Variants in SPTBN1 observed in about 807,000 individuals in gnomAD.
SPTBN1 encodes spectrin beta chain, non-erythrocytic 1.
A neutral mutation model predicts 266.4 loss-of-function variants in SPTBN1; 32 were observed. That is an observed-to-expected ratio of 0.12 (90% CI 0.09 to 0.16). The LOEUF is 0.16. SPTBN1 is among the 10% of genes least tolerant of loss of function. The pLI is 1.00. For missense variants in SPTBN1, 2,296 were observed against 3,067.1 expected (o/e 0.75, Z 5.94); for synonymous variants, 1,336 against 1,162.2 (o/e 1.15, Z -3.04).
chr2:54,456,845 C>T (rs1693060275), intron 1 of SPTBN1, among the ~76,000 whole-genome samples: 1 of 151,488 alleles, frequency 6.6e-6, no homozygotes, highest in South Asian at 2.1e-4. Flanking sequence ...CGCGGCGATT[C>T]CTCCTCCCTG....
intron 1 of SPTBN1, among the ~76,000 whole-genome samples, chr2:54,522,539 G>A (rs1670503244): frequency 6.6e-6 from 1 of 151,692 alleles, no homozygotes; most frequent in Non-Finnish European, 1.5e-5. Context: ...GGTGAGGCAG[G>A]AGAATTGCTT....
At chr2:54,615,513 G>A (rs147483991) in intron 4 of SPTBN1, among the ~76,000 whole-genome samples, 1,541 of 152,222 alleles carry the variant, frequency 0.01, 12 homozygotes, top group Admixed American at 0.019. Context: ...CCCTTATTAC[G>A]AGCTCTGCAC....
chr2:54,666,586 C>T (rs1040658431), intron 34 of SPTBN1, among the ~76,000 whole-genome samples: 2 of 152,186 alleles, frequency 1.3e-5, no homozygotes, highest in African/African-American at 4.8e-5. Context: ...AGCAGATGCT[C>T]CAGCTGTCTC....
chr2:54,620,058 G>A (rs896274251), intron 7 of SPTBN1, among the ~76,000 whole-genome samples: 1 of 152,188 alleles, frequency 6.6e-6, no homozygotes, highest in African/African-American at 2.4e-5. Flanking sequence ...CAATATTGCC[G>A]AACTTCAAAG....
In SPTBN1 at chr2:54,624,811, A is replaced by T; in HGVS notation, c.1190A>T (p.Glu397Val). Residue 397 changes from glutamate to valine, a missense_variant, in exon 11 of 36, where the codon GAA becomes GTA. Glu to Val is a moderately radical substitution (Grantham distance 121). Coordinates refer to ENST00000356805, the MANE Select transcript of SPTBN1 (RefSeq NM_003128.3). ...KLISDINKAW[E>V]RLEKAEHERE... ...GTATTTTCATTTTTGTAGGCCTGGGAAAGACTGGAAAAAGCGGAACACGAA... is the reference window on the plus strand; with the variant it reads ...GTATTTTCATTTTTGTAGGCCTGGGTAAGACTGGAAAAAGCGGAACACGAA... The T allele has an allele frequency of 6.2e-7, 1 of 1,614,070 alleles. No individual in the cohort carries two copies. The highest frequency in any genetic ancestry group is 8.5e-7 in the Non-Finnish European group (1 of 1,180,010).
At chr2:54,614,831 G>A (rs1677488502) in intron 4 of SPTBN1, among the ~76,000 whole-genome samples, 1 of 152,040 alleles carries the variant, frequency 6.6e-6, no homozygotes, top group Admixed American at 6.6e-5. Flanking sequence ...GTGAGAAACT[G>A]GAGTGGAAGT....
intron 1 of SPTBN1, among the ~76,000 whole-genome samples, chr2:54,522,445 A>G (rs1312168998): frequency 6.6e-6 from 1 of 151,898 alleles, no homozygotes; most frequent in Non-Finnish European, 1.5e-5. Flanking sequence ...AGCCTGGCCA[A>G]CATGGTGAAA....
At chr2:54,571,472 C>T (rs1278028255) in intron 2 of SPTBN1, among the ~76,000 whole-genome samples, 3 of 152,010 alleles carry the variant, frequency 2.0e-5, no homozygotes, top group Non-Finnish European at 2.9e-5. Context: ...GAATCTTCCT[C>T]AGTCCCAGGC....
Position 54,558,118 on chromosome 2 carries a change from G to C in SPTBN1, c.148+31552G>C. ...GTTACATGAGGCTCAACAAAAGATTGTAATTCCAGCAGCTCTGTTTGGGAA... is the reference window on the plus strand; with the variant it reads ...GTTACATGAGGCTCAACAAAAGATTCTAATTCCAGCAGCTCTGTTTGGGAA... On this transcript the variant is annotated intron_variant, in intron 2 of 35. Transcript: ENST00000356805. The surrounding 1 kb of genome is among the most constrained non-coding windows in gnomAD (Gnocchi z 4.6). 1.0e-6 allele frequency: 1 copy of C among 985,388 alleles called. No homozygotes were observed. Among genetic ancestry groups the C allele is most frequent in the Non-Finnish European group, 1.2e-6 (1 of 829,914 alleles). The allele number at this position is 985,388 out of a possible 1,614,324, so 61.0% of individuals were successfully genotyped here.
At chr2:54,581,052 C>G (rs1189508485) in intron 2 of SPTBN1, among the ~76,000 whole-genome samples, 1 of 151,634 alleles carries the variant, frequency 6.6e-6, no homozygotes, top group East Asian at 1.9e-4. Flanking sequence ...GAGCCACGAT[C>G]ACGCCACTGC....
chr2:54,650,883 C>T (rs1052313267), intron 26 of SPTBN1, among the ~76,000 whole-genome samples: 2 of 152,212 alleles, frequency 1.3e-5, no homozygotes, highest in Non-Finnish European at 2.9e-5. Flanking sequence ...TCTAGTGCCT[C>T]AGCCTCTAAA....
At chr2:54,606,642 G>A (rs757377532) in intron 3 of SPTBN1, among the ~76,000 whole-genome samples, 3 of 140,662 alleles carry the variant, frequency 2.1e-5, no homozygotes, top group Non-Finnish European at 3.2e-5. Flanking sequence ...GAATAGTCAC[G>A]TTTCAGCATG....
intron 2 of SPTBN1, among the ~76,000 whole-genome samples, chr2:54,537,192 G>A (rs1558817575): frequency 6.6e-6 from 1 of 152,168 alleles, no homozygotes; most frequent in Non-Finnish European, 1.5e-5. Flanking sequence ...CTTAGTATCT[G>A]CTCCTCCTTG....
intron 1 of SPTBN1, among the ~76,000 whole-genome samples, chr2:54,518,038 T>C (rs1320645640): frequency 6.6e-6 from 1 of 151,962 alleles, no homozygotes; most frequent in Non-Finnish European, 1.5e-5. Context: ...ATAATAGACA[T>C]TATATGCTTG....
chr2:54,469,523 A>G (rs1693810670), intron 1 of SPTBN1, among the ~76,000 whole-genome samples: 1 of 152,212 alleles, frequency 6.6e-6, no homozygotes. Context: ...AGGTGGCCAA[A>G]GCCCATCAAG....
At chr2:54,633,426 C>T (rs201986377) in intron 17 of SPTBN1, among the ~76,000 whole-genome samples, 24 of 129,942 alleles carry the variant, frequency 1.8e-4, no homozygotes, top group Non-Finnish European at 2.7e-4. Context: ...TGTGTGTGTG[C>T]GTGTGTGTGT....
At chr2:54,471,800 A>ATTTTTTTCTTTTTTTTTTTTT (rs1693934147) in intron 1 of SPTBN1, among the ~76,000 whole-genome samples, 1 of 102,718 alleles carries the variant, frequency 9.7e-6, no homozygotes, top group Non-Finnish European at 1.9e-5. Flanking sequence ...TTTTTTATCG[A>ATTTTTTTCTTTTTTTTTTTTT]TTTTTTTTTT....
intron 2 of SPTBN1, among the ~76,000 whole-genome samples, chr2:54,564,639 C>T (rs1031819721): frequency 2.0e-5 from 3 of 152,164 alleles, no homozygotes; most frequent in African/African-American, 7.2e-5. Context: ...ACACCCTGCC[C>T]TCTTGGTTTC....
chr2:54,630,786 T>C, intron 15 of SPTBN1, 69 bp from the exon 16 acceptor site: 1 of 1,492,842 alleles, frequency 6.7e-7, no homozygotes, highest in East Asian at 2.3e-5. Context: ...CCCATCACTG[T>C]TCCTTTTGCA....
Sources: allele counts gnomAD v4.1 joint callset (sites outside exome capture counted in the v4.1 genomes callset), GRCh38; gene constraint gnomAD v4.1.1; non-coding constraint Gnocchi (gnomAD v3.1); transcripts MANE v1.5; gene names NCBI Gene and HGNC (gene_info 2026-07-23, HGNC 2026-07-21).